Variants in BRCA1 observed in about 807,000 individuals in gnomAD.
BRCA1 encodes BRCA1 DNA repair associated.
Under a neutral mutation model 173.7 loss-of-function variants are expected in BRCA1, and 140 were observed. The ratio of observed to expected loss-of-function variants is 0.81; its 90% confidence interval spans 0.70 to 0.93. BRCA1 has a LOEUF of 0.93. Ranked by LOEUF, BRCA1 falls within the 40% of genes least tolerant of loss-of-function variation. The pLI is 0.00. For missense variants in BRCA1, 1,983 were observed against 2,172.5 expected (o/e 0.91, Z 1.73); for synonymous variants, 662 against 756.0 (o/e 0.88, Z 2.04).
chr17:43,146,352 A>G (rs943023560), intron 1 of BRCA1, among the ~76,000 whole-genome samples: 13 of 136,250 alleles, frequency 9.5e-5, no homozygotes, highest in African/African-American at 3.0e-4. Flanking sequence ...TCTGTGGCCA[A>G]AGCTGGAGTG....
Position 43,050,936 on chromosome 17 carries a change from G to T in BRCA1, c.5332+127C>A. ...GCTGTTTTGTTTGGAGAGTGGTAGA[G>T]AAATAGAATAGCCTCTAGAACATTT... On this transcript the variant is annotated intron_variant, in intron 20 of 22. Transcript: ENST00000357654. The T allele has an allele frequency of 3.2e-6, 3 of 947,692 alleles. No individual in the cohort carries two copies. The African/African-American group carries it at 4.9e-5, about 15-fold the overall frequency. The allele number at this position is 947,692 out of a possible 1,614,324, so 58.7% of individuals were successfully genotyped here.
At chr17:43,121,215 A>C (rs1051213583) in intron 2 of BRCA1, among the ~76,000 whole-genome samples, 25 of 151,680 alleles carry the variant, frequency 1.6e-4, no homozygotes, top group Admixed American at 4.6e-4. Context: ...CTCTACTAAA[A>C]ATACAAAAAA....
chr17:43,093,166 T>C lies in BRCA1; in HGVS notation c.2365A>G (p.Ser789Gly), dbSNP rs2053773104. The C allele has an allele frequency of 1.2e-6, 2 of 1,613,846 alleles. No homozygotes were observed. The highest frequency in any genetic ancestry group is 1.7e-6 in the Non-Finnish European group (2 of 1,179,928). The change falls in exon 10 of 23, where the codon AGC becomes GGC. Residue 789 changes from serine to glycine, a missense_variant. Transcript: ENST00000357654. The stretch of plus-strand genomic sequence containing the variant: ...TCTGTTTTTGCCTTCCCTAGAGTGC[T>C]AACTTCCAGTAACGAGATACTTTCC... ...TQESISLLEV[S>G]TLGKAKTEPN...
In BRCA1 at chr17:43,097,289, C is replaced by A. The variant is rs1555594081; in HGVS notation, c.548G>T (p.Gly183Val). ...PQKTSVYIEL[G>V]SDSSEDTVNK... The stretch of plus-strand genomic sequence containing the variant: ...AACGGTATCTTCAGAAGAATCAGAT[C>A]CTAAAAAATTTCCCCCCAAAAAATA... Residue 183 changes from glycine to valine, a missense_variant and splice_region_variant, in exon 8 of 23, where the codon GGA becomes GTA. Coordinates refer to ENST00000357654, the MANE Select transcript of BRCA1 (RefSeq NM_007294.4). 1 of 1,612,878 alleles carries A rather than the reference C, an allele frequency of 6.2e-7. No individual in the cohort carries two copies. Among genetic ancestry groups the A allele is most frequent in the Non-Finnish European group, 8.5e-7 (1 of 1,179,244 alleles).
At chr17:43,140,475 G>C (rs1158564396) in intron 1 of BRCA1, 1 of 396,624 alleles carries the variant, frequency 2.5e-6, no homozygotes, top group African/African-American at 2.2e-5. Context: ...GGGCGGTCCT[G>C]TGTGACTGAG....
rs200083681 is a variant in BRCA1 at position 43,100,609 on chromosome 17, C to CAT, written c.442-731_442-730dup. ...ACATATATATATTATATATATATAA[C>CAT]ATATATATAACATATATATATGTTA... On this transcript the variant is annotated intron_variant, in intron 6 of 22. Transcript: ENST00000357654. 0.01 allele frequency among the ~76,000 whole-genome samples: 676 copies of CAT among 65,698 alleles called. 40 individuals carry two copies. The highest frequency in any genetic ancestry group is 0.028 in the East Asian group (69 of 2,458). The allele number at this position is 65,698 out of a possible 152,430, so 43.1% of individuals were successfully genotyped here. A position where few individuals can be genotyped will look rare whatever the true frequency, so the allele number is the denominator to read the frequency against.
Position 43,076,559 on chromosome 17 carries a change from GC to G in BRCA1, c.4412del (p.Gly1471AlafsTer34), listed in dbSNP as rs1064793951. The G allele has an allele frequency of 6.2e-7, 1 of 1,613,366 alleles. No individual in the cohort carries two copies. The highest frequency in any genetic ancestry group is 1.7e-5 in the Admixed American group (1 of 59,972). On this transcript the variant is annotated frameshift_variant, in exon 13 of 23. Coordinates refer to ENST00000357654, the MANE Select transcript of BRCA1 (RefSeq NM_007294.4). LOFTEE classifies it high-confidence loss of function. ...SEYPISQNPE[G>X]LSADKFEVSA... ...ACACCTCAAACTTGTCAGCAGAAAG[GC>G]CTTCTGGATTCTGGCTTATAGGGTA... is the stretch of plus-strand genomic sequence containing the variant.
intron 11 of BRCA1, 127 bp downstream of exon 11, chr17:43,090,817 G>A: frequency 1.1e-6 from 1 of 926,648 alleles, no homozygotes; most frequent in South Asian, 1.4e-5. Context: ...AGGAGACAAT[G>A]AACCACAAAC....
chr17:43,067,835 A>ATT, intron 15 of BRCA1, 140 bp from the exon 16 acceptor site: 1 of 322,388 alleles, frequency 3.1e-6, no homozygotes, highest in Non-Finnish European at 5.1e-6. Flanking sequence ...ATTTAAAGTG[A>ATT]ATTTTTTTTT....
At chr17:43,097,409 G>T (rs908457377) in intron 7 of BRCA1, 120 bp from the exon 8 acceptor site, 9 of 896,518 alleles carry the variant, frequency 1.0e-5, no homozygotes, top group Non-Finnish European at 1.5e-5. Flanking sequence ...CATCTACTGT[G>T]GCAGGTACAA....
chr17:43,090,961 C>A lies in BRCA1; in HGVS notation c.4168G>T (p.Asp1390Tyr). 1 of 1,611,408 alleles carries A rather than the reference C, an allele frequency of 6.2e-7. No homozygotes were observed. The highest frequency in any genetic ancestry group is 1.1e-5 in the South Asian group (1 of 90,472). ...CTTTTTACCTGAGTGGTTAAAATGTCACTCTGAGAGGATAGCCCTGAGCAG... is the reference window on the plus strand; with the variant it reads ...CTTTTTACCTGAGTGGTTAAAATGTAACTCTGAGAGGATAGCCCTGAGCAG... ...EDCSGLSSQS[D>Y]ILTTQQRDTM... Residue 1390 changes from aspartate to tyrosine, a missense_variant, in exon 11 of 23, where the codon GAC becomes TAC. Coordinates refer to ENST00000357654, the MANE Select transcript of BRCA1 (RefSeq NM_007294.4).
At position 43,082,480 on chromosome 17, in the gene BRCA1, G is replaced by A. The variant is rs1348911931; in HGVS notation, c.4281C>T (p.Asn1427=). 1.9e-6 allele frequency: 3 copies of A among 1,614,160 alleles called. No individual in the cohort carries two copies. Among genetic ancestry groups the A allele is most frequent in the South Asian group, 2.2e-5 (2 of 91,084 alleles). ...AGTCACTTATGATGGAAGGGTAGCTGTTAGAAGGCTGGCTCCCATGCTGTT... is the reference window on the plus strand; with the variant it reads ...AGTCACTTATGATGGAAGGGTAGCTATTAGAAGGCTGGCTCCCATGCTGTT... ...VLEQHGSQPS[N]SYPSIISDSS... The change falls in exon 12 of 23, where the codon AAC becomes AAT. Residue 1427 remains asparagine, a synonymous_variant. Coordinates refer to ENST00000357654, the MANE Select transcript of BRCA1 (RefSeq NM_007294.4).
At chr17:43,063,748 T>C (rs2051896788) in intron 17 of BRCA1, 126 bp downstream of exon 17, 3 of 754,120 alleles carry the variant, frequency 4.0e-6, no homozygotes, top group Non-Finnish European at 2.3e-6. Context: ...AGTTTAGTAT[T>C]ACAATTAAAG....
rs1427672607 is a variant in BRCA1 at position 43,145,744 on chromosome 17, T to G, written c.-19-21629A>C. Among the ~76,000 whole-genome samples the G allele has an allele frequency of 4.3e-5, 6 of 140,770 alleles. No individual in the cohort carries two copies. In the East Asian group the frequency reaches 1.2e-3, roughly 27 times the overall value. The allele number at this position is 140,770 out of a possible 152,430, so 92.4% of individuals were successfully genotyped here. A position where few individuals can be genotyped will look rare whatever the true frequency, so the allele number is the denominator to read the frequency against. On this transcript the variant is annotated intron_variant, in intron 1 of 7. Coordinates refer to the BRCA1 transcript ENST00000634433. ...CATTTTTTAAGTGTAAATGCTTTTT[T>G]TTAAGAGGTGAAATCATTTGCTGGT...
At chr17:43,061,104 G>A (rs1057048780) in intron 18 of BRCA1, among the ~76,000 whole-genome samples, 8 of 151,874 alleles carry the variant, frequency 5.3e-5, no homozygotes. Context: ...CCAGCCTGGG[G>A]GATAGAGGGA....
At chr17:43,052,872 CTG>C (rs1190721688) in intron 19 of BRCA1, among the ~76,000 whole-genome samples, 2 of 145,218 alleles carry the variant, frequency 1.4e-5, no homozygotes, top group Admixed American at 6.8e-5. Flanking sequence ...TAGGACAAGT[CTG>C]TGTGTTTTTT....
rs1057520245 is a variant in BRCA1, at chr17:43,090,974, T to C, written c.4155A>G (p.Leu1385=). 1.2e-6 allele frequency: 2 copies of C among 1,612,560 alleles called. No homozygotes were observed. Among genetic ancestry groups the C allele is most frequent in the Non-Finnish European group, 1.7e-6 (2 of 1,179,410 alleles). Residue 1385 remains leucine (L), a synonymous_variant, in exon 11 of 23, where the codon CTA becomes CTG. Coordinates refer to ENST00000357654, the MANE Select transcript of BRCA1 (RefSeq NM_007294.4). ...ETSVSEDCSG[L]SSQSDILTTQ... ...TGGTTAAAATGTCACTCTGAGAGGATAGCCCTGAGCAGTCTTCAGAGACGC... is the reference window on the plus strand; with the variant it reads ...TGGTTAAAATGTCACTCTGAGAGGACAGCCCTGAGCAGTCTTCAGAGACGC...
chr17:43,047,522 T>G, intron 22 of BRCA1, 121 bp downstream of exon 22: 1 of 991,886 alleles, frequency 1.0e-6, no homozygotes, highest in South Asian at 1.3e-5. Flanking sequence ...ATTTTAGCCA[T>G]TCATTCAACA....
chr17:43,078,297 C>A (rs2052835212), intron 12 of BRCA1, among the ~76,000 whole-genome samples: 1 of 152,108 alleles, frequency 6.6e-6, no homozygotes, highest in Non-Finnish European at 1.5e-5. Context: ...GTTGGCCAGG[C>A]TGGTCTTAAA....
Sources: allele counts gnomAD v4.1 joint callset (sites outside exome capture counted in the v4.1 genomes callset), GRCh38; gene constraint gnomAD v4.1.1; transcripts MANE v1.5; gene names NCBI Gene and HGNC (gene_info 2026-07-23, HGNC 2026-07-21).